Variants in CEMIP2 observed in about 807,000 individuals in gnomAD.
CEMIP2 encodes cell migration inducing hyaluronidase 2.
Under a neutral mutation model 146.9 loss-of-function variants are expected in CEMIP2, and 79 were observed. The observed-to-expected ratio is 0.54, with a 90% CI of 0.45 to 0.65. CEMIP2 has a LOEUF of 0.65. CEMIP2 is among the 30% of genes least tolerant of loss of function. CEMIP2 has a pLI of 0.00. For synonymous variants in CEMIP2, 601 were observed against 606.3 expected (o/e 0.99, Z 0.13); for missense variants, 1,596 against 1,696.2 (o/e 0.94, Z 1.04).
chr9:71,690,976 C>A (rs1034727316), intron 21 of CEMIP2, among the ~76,000 whole-genome samples: 1 of 152,180 alleles, frequency 6.6e-6, no homozygotes, highest in African/African-American at 2.4e-5. Context: ...ACTAATTAAA[C>A]CCATAGGCAC....
chr9:71,737,155 C>CAAAAAAAAA (rs34623620), intron 5 of CEMIP2, among the ~76,000 whole-genome samples: 1 of 107,074 alleles, frequency 9.3e-6, no homozygotes, highest in Non-Finnish European at 1.9e-5. Context: ...AGATCTTTCT[C>CAAAAAAAAA]AAAAAAAAAA....
intron 18 of CEMIP2, among the ~76,000 whole-genome samples, chr9:71,702,432 T>TG (rs1228382501): frequency 1.4e-5 from 2 of 147,114 alleles, no homozygotes; most frequent in African/African-American, 5.0e-5. Context: ...TAAATGTTCA[T>TG]GGGGTAAGGG....
chr9:71,746,292 T>C lies in CEMIP2; in HGVS notation c.381A>G (p.Gln127=). Residue 127 remains glutamine, a synonymous_variant, in exon 3 of 24, where the codon CAA becomes CAG. Transcript: ENST00000377044. ...NPRLRNWDPG[Q]DSAKQVVIKE... is the part of the protein sequence containing the mutation. ...TGATAACAACTTGCTTTGCAGAATCTTGTCCTGGATCCCAATTCCTGAGAC... is the reference window on the plus strand; with the variant it reads ...TGATAACAACTTGCTTTGCAGAATCCTGTCCTGGATCCCAATTCCTGAGAC... 6.2e-7 allele frequency: 1 copy of C among 1,614,008 alleles called. No homozygotes were observed. Among genetic ancestry groups the C allele is most frequent in the African/African-American group, 1.3e-5 (1 of 75,034 alleles).
At chr9:71,688,554 T>C (rs992843975) in intron 22 of CEMIP2, among the ~76,000 whole-genome samples, 27 of 135,916 alleles carry the variant, frequency 2.0e-4, no homozygotes, top group African/African-American at 3.2e-5. Flanking sequence ...TGCCGGCTAG[T>C]TTTTTGTATT....
chr9:71,689,849 C>G (rs1009842614), intron 22 of CEMIP2, among the ~76,000 whole-genome samples: 1 of 152,168 alleles, frequency 6.6e-6, no homozygotes, highest in Non-Finnish European at 1.5e-5. Flanking sequence ...CTCTGAAGAG[C>G]CTTCCCACCA....
At chr9:71,721,663 A>C (rs1823235942) in intron 12 of CEMIP2, among the ~76,000 whole-genome samples, 1 of 152,176 alleles carries the variant, frequency 6.6e-6, no homozygotes, top group Non-Finnish European at 1.5e-5. Flanking sequence ...TTCTTTTCCT[A>C]AGTGTCTGTC....
Position 71,722,477 on chromosome 9 carries a change from G to A in CEMIP2, c.2217C>T (p.Asn739=). Reference sequence around the variant, plus strand: ...ATTCCCTTGGGTCAGCAGCACTAGAGTTGGTTGTTTTGACACCTTTGTCAA... The same window carrying A: ...ATTCCCTTGGGTCAGCAGCACTAGAATTGGTTGTTTTGACACCTTTGTCAA... ...LFIDKGVKTT[N]SSAADPREYL... The change falls in exon 12 of 24, where the codon AAC becomes AAT. Residue 739 remains asparagine, a synonymous_variant. Coordinates refer to ENST00000377044, the MANE Select transcript of CEMIP2 (RefSeq NM_013390.3). 6.2e-7 allele frequency: 1 copy of A among 1,613,828 alleles called. No individual in the cohort carries two copies. The highest frequency in any genetic ancestry group is 1.3e-5 in the African/African-American group (1 of 75,042).
intron 22 of CEMIP2, among the ~76,000 whole-genome samples, chr9:71,689,168 CA>C (rs1365606925): frequency 6.6e-6 from 1 of 152,120 alleles, no homozygotes; most frequent in Non-Finnish European, 1.5e-5. Context: ...TGAGGCTGTA[CA>C]AGTGTCTTAA....
chr9:71,766,322 C>A (rs1030187689), intron 1 of CEMIP2, among the ~76,000 whole-genome samples: 1 of 152,138 alleles, frequency 6.6e-6, no homozygotes, highest in African/African-American at 2.4e-5. Context: ...ATCCACCTGC[C>A]TCGGCCTCCC....
rs746111254 is a variant in CEMIP2 at position 71,745,336 on chromosome 9, G to A, written c.716C>T (p.Ser239Leu). The change falls in exon 4 of 24, where the codon TCG becomes TTG. Residue 239 changes from serine to leucine, a missense_variant. Ser to Leu is a moderately radical substitution (Grantham distance 145). Coordinates refer to ENST00000377044, the MANE Select transcript of CEMIP2 (RefSeq NM_013390.3). The stretch of plus-strand genomic sequence containing the variant: ...CAGGGTCCTTGCCAACAACGTCCAC[G>A]ATGCCTTCCGTGCCCCATGTAACTC... ...TLELHGARKA[S>L]WTLLARTLNS... is the part of the protein sequence containing the mutation. The A allele has an allele frequency of 1.1e-5, 17 of 1,613,446 alleles. No individual in the cohort carries two copies. Among genetic ancestry groups the A allele is most frequent in the Non-Finnish European group, 1.4e-5 (17 of 1,179,434 alleles).
In CEMIP2 at chr9:71,701,957, G is replaced by T. The variant is rs748446040; in HGVS notation, c.3195-1133C>A. ...AAATGTTTAAATAATATGTAACAAGGCCTTAAAATTCTTCACATAGCCAGG... is the reference window on the plus strand; with the variant it reads ...AAATGTTTAAATAATATGTAACAAGTCCTTAAAATTCTTCACATAGCCAGG... On this transcript the variant is annotated intron_variant, in intron 18 of 23. Coordinates refer to ENST00000377044, the MANE Select transcript of CEMIP2 (RefSeq NM_013390.3). Among the ~76,000 whole-genome samples, 3 of 151,952 alleles carry T rather than the reference G, an allele frequency of 2.0e-5. No homozygotes were observed. In the East Asian group the frequency reaches 5.8e-4, roughly 29 times the overall value.
chr9:71,730,124 T>C lies in CEMIP2; in HGVS notation c.1903A>G (p.Arg635Gly). 3 of 1,614,186 alleles carry C rather than the reference T, an allele frequency of 1.9e-6. No individual in the cohort carries two copies. Among genetic ancestry groups the C allele is most frequent in the Non-Finnish European group, 2.5e-6 (3 of 1,180,036 alleles). The change falls in exon 9 of 24, where the codon AGG becomes GGG. Residue 635 changes from arginine to glycine, a missense_variant. Arg to Gly is a moderately radical substitution (Grantham distance 125, BLOSUM62 -2). Coordinates refer to ENST00000377044, the MANE Select transcript of CEMIP2 (RefSeq NM_013390.3). Reference protein sequence around the residue: ...TKPGTLLPTDRNNSMCTTMRD... With the variant: ...TKPGTLLPTDGNNSMCTTMRD... ...ATGGTGGTACACATGGAGTTGTTCC[T>C]ATCGGTGGGCAGGAGAGTACCCGGC...
At chr9:71,701,737 T>G (rs948674212) in intron 18 of CEMIP2, among the ~76,000 whole-genome samples, 5 of 152,180 alleles carry the variant, frequency 3.3e-5, no homozygotes, top group Non-Finnish European at 5.9e-5. Flanking sequence ...ATAAAATTAA[T>G]CCTTTTTAAA....
Position 71,734,894 on chromosome 9 carries a change from G to A in CEMIP2, c.1305C>T (p.Val435=), listed in dbSNP as rs776410339. Residue 435 remains valine (V), a synonymous_variant, in exon 6 of 24, where the codon GTC becomes GTT. Transcript: ENST00000377044. ...GGTACATGGAATAGTCTGTGCTTGC[G>A]ACCACAATCTGGTCTCCAGGTTTCC... ...SSWKPGDQIV[V]ASTDYSMYQA... 33 of 1,613,442 alleles carry A rather than the reference G, an allele frequency of 2.0e-5. No individual in the cohort carries two copies. Among genetic ancestry groups the A allele is most frequent in the East Asian group, 1.1e-4 (5 of 44,844 alleles).
intron 11 of CEMIP2, 75 bp downstream of exon 11, chr9:71,725,506 C>T: frequency 2.0e-6 from 3 of 1,478,290 alleles, no homozygotes; most frequent in Non-Finnish European, 2.7e-6. Context: ...ACAAAGTGGA[C>T]TAAAATATAA....
chr9:71,728,295 A>ATACGTG (rs1554684784), intron 10 of CEMIP2, among the ~76,000 whole-genome samples: 2 of 43,218 alleles, frequency 4.6e-5, no homozygotes, highest in East Asian at 7.6e-4. Context: ...ATATATATAT[A>ATACGTG]TATATACATA....
In CEMIP2 at chr9:71,725,718, G is replaced by C. The variant is rs200912214; in HGVS notation, c.2050-9C>G. On this transcript the variant is annotated splice_polypyrimidine_tract_variant and intron_variant, in intron 10 of 23. Coordinates refer to ENST00000377044, the MANE Select transcript of CEMIP2 (RefSeq NM_013390.3). The stretch of plus-strand genomic sequence containing the variant: ...TACCATATTCCAGCATCCTACAAAT[G>C]AAAGGACAAGCCCATTAAAAGCCTA... 2.7e-5 allele frequency: 43 copies of C among 1,611,040 alleles called. No individual in the cohort carries two copies. The highest frequency in any genetic ancestry group is 3.6e-5 in the Non-Finnish European group (42 of 1,178,824).
chr9:71,692,035 G>T (rs1461068194), intron 21 of CEMIP2, among the ~76,000 whole-genome samples: 1 of 151,076 alleles, frequency 6.6e-6, no homozygotes, highest in Non-Finnish European at 1.5e-5. Context: ...CTTGAACCCA[G>T]AAGGCAGAGG....
chr9:71,691,211 TCA>T (rs1204387019), intron 21 of CEMIP2, among the ~76,000 whole-genome samples: 5 of 152,254 alleles, frequency 3.3e-5, no homozygotes, highest in African/African-American at 1.2e-4. Context: ...GGTGGGTGAA[TCA>T]CCTGAGGTTA....
Sources: gnomAD v4.1 joint callset for allele counts (sites outside exome capture counted in the v4.1 genomes callset) on GRCh38, gnomAD v4.1.1 for gene constraint, MANE v1.5 for transcripts, NCBI Gene and HGNC (gene_info 2026-07-23, HGNC 2026-07-21) for gene names.